The following SORL1 variants were observed in gnomAD, a reference collection of about 807,000 sequenced individuals.
The protein encoded by SORL1 is sortilin related receptor 1, also known as sortilin-related receptor.
In SORL1, 127 loss-of-function variants were observed where a neutral mutation model predicts 273.7. That is an observed-to-expected ratio of 0.46 (90% CI 0.40 to 0.54). The LOEUF is 0.54. Ranked by LOEUF, SORL1 falls within the 20% of genes least tolerant of loss-of-function variation. SORL1 has a pLI of 0.00. For missense variants in SORL1, 2,494 were observed against 2,846.1 expected (o/e 0.88, Z 2.81); for synonymous variants, 1,031 against 1,067.4 (o/e 0.97, Z 0.66).
chr11:121,499,739 T>A (rs1861685127), intron 6 of SORL1, among the ~76,000 whole-genome samples: 1 of 152,246 alleles, frequency 6.6e-6, no homozygotes, highest in African/African-American at 2.4e-5. Context: ...CAAGTGTAAC[T>A]TTTTATCTGG....
chr11:121,610,964 T>C (rs1266589035), intron 38 of SORL1, 112 bp from the exon 39 acceptor site: 1 of 727,700 alleles, frequency 1.4e-6, no homozygotes, highest in African/African-American at 1.7e-5. Flanking sequence ...AGAAATACCC[T>C]TTCTTCCCCG....
intron 11 of SORL1, among the ~76,000 whole-genome samples, chr11:121,524,904 G>A (rs693855): frequency 0.3 from 44,565 of 146,374 alleles, 8,244 homozygotes; most frequent in East Asian, 0.55. Context: ...TCAGAATTCC[G>A]TTTTTGTGCT....
chr11:121,575,131 C>T (rs951110111), intron 24 of SORL1, among the ~76,000 whole-genome samples: 2 of 152,170 alleles, frequency 1.3e-5, no homozygotes, highest in Non-Finnish European at 2.9e-5. Context: ...TTTCTACTTT[C>T]TAAAGTGACT....
intron 36 of SORL1, 55 bp from the exon 37 acceptor site, chr11:121,607,131 G>T: frequency 2.5e-6 from 3 of 1,188,702 alleles, no homozygotes; most frequent in Non-Finnish European, 3.8e-6. Flanking sequence ...CAAGATATTA[G>T]GATGCCCTGG....
At chr11:121,601,117 G>A (rs1369921146) in intron 32 of SORL1, among the ~76,000 whole-genome samples, 32 of 141,316 alleles carry the variant, frequency 2.3e-4, no homozygotes, top group African/African-American at 7.9e-4. Context: ...TCATTGTTCA[G>A]TTCCCACCTA....
At chr11:121,578,788 G>A (rs1268814780) in intron 25 of SORL1, among the ~76,000 whole-genome samples, 3 of 152,202 alleles carry the variant, frequency 2.0e-5, no homozygotes, top group Non-Finnish European at 4.4e-5. Context: ...CGCTTGTAAA[G>A]TCCACCCATG....
At chr11:121,611,038 C>A in intron 38 of SORL1, 38 bp from the exon 39 acceptor site, 1 of 1,425,684 alleles carries the variant, frequency 7.0e-7, no homozygotes, top group African/African-American at 1.4e-5. Flanking sequence ...CACTTTTCAT[C>A]ACGTGGCTTC....
intron 9 of SORL1, among the ~76,000 whole-genome samples, chr11:121,521,533 T>C (rs1396912047): frequency 6.6e-6 from 1 of 152,184 alleles, no homozygotes; most frequent in African/African-American, 2.4e-5. Context: ...GTTCATCAGC[T>C]TTAGGTATAG....
chr11:121,589,534 C>G lies in SORL1; in HGVS notation c.4078+144C>G, dbSNP rs1318297994. On this transcript the variant is annotated intron_variant, in intron 29 of 47. Coordinates refer to ENST00000260197, the MANE Select transcript of SORL1 (RefSeq NM_003105.6). ...CAGTTGCTGCCAGTTCCTGAATACTCATACGAGTTGAGTCTTGAAGGGGGC... is the reference window on the plus strand; with the variant it reads ...CAGTTGCTGCCAGTTCCTGAATACTGATACGAGTTGAGTCTTGAAGGGGGC... 7.8e-6 allele frequency: 8 copies of G among 1,027,554 alleles called. No homozygotes were observed. In the East Asian group the frequency reaches 1.5e-4, roughly 19 times the overall value. The allele number at this position is 1,027,554 out of a possible 1,614,324, so 63.7% of individuals were successfully genotyped here.
chr11:121,615,048 G>T lies in SORL1; in HGVS notation c.5597G>T (p.Arg1866Leu). ...TAVECTWTGP[R>L]NVVYGIFYAT... ...GTGGAATGTACCTGGACCGGCCCCC[G>T]GAATGTGGTGAGTCAGCCAGAATGA... The change falls in exon 41 of 48, where the codon CGG becomes CTG. Residue 1866 changes from arginine (R) to leucine (L), a missense_variant. By Grantham distance (102) the Arg-to-Leu change is moderately radical. Coordinates refer to ENST00000260197, the MANE Select transcript of SORL1 (RefSeq NM_003105.6). 1 of 1,595,464 alleles carries T rather than the reference G, an allele frequency of 6.3e-7. No homozygotes were observed. The highest frequency in any genetic ancestry group is 8.5e-7 in the Non-Finnish European group (1 of 1,171,204).
chr11:121,493,580 A>G (rs751224600), intron 5 of SORL1, among the ~76,000 whole-genome samples: 84 of 152,224 alleles, frequency 5.5e-4, no homozygotes, highest in African/African-American at 1.1e-3. Flanking sequence ...CTATTTGATT[A>G]TTAGTCTTTT....
chr11:121,553,714 C>G (rs1314237195), intron 16 of SORL1, among the ~76,000 whole-genome samples: 1 of 152,224 alleles, frequency 6.6e-6, no homozygotes, highest in African/African-American at 2.4e-5. Flanking sequence ...AAAACACTTG[C>G]AGATGAAGAA....
In SORL1 at chr11:121,614,929, G is replaced by T; in HGVS notation, c.5478G>T (p.Leu1826Phe). 1.2e-6 allele frequency: 2 copies of T among 1,613,270 alleles called. No homozygotes were observed. Among genetic ancestry groups the T allele is most frequent in the South Asian group, 2.2e-5 (2 of 90,866 alleles). Reference sequence around the variant, plus strand: ...TTTCTGCCTGGGCCAAGACTGACTTGGGGGATAGCCCTCTGGCATTTGAGC... The same window carrying T: ...TTTCTGCCTGGGCCAAGACTGACTTTGGGGATAGCCCTCTGGCATTTGAGC... ...YEISAWAKTD[L>F]GDSPLAFEHV... The change falls in exon 41 of 48, where the codon TTG becomes TTT. Residue 1826 changes from leucine to phenylalanine, a missense_variant. By Grantham distance (22) the Leu-to-Phe change is conservative (BLOSUM62 0). Around this residue, in one of 3 missense-constraint regions of SORL1, gnomAD observed 1,609 missense variants for 1,816.4 expected, o/e 0.89. Transcript: ENST00000260197.
At chr11:121,496,763 C>T in intron 5 of SORL1, 106 bp from the exon 6 acceptor site, 1 of 872,544 alleles carries the variant, frequency 1.1e-6, no homozygotes, top group Non-Finnish European at 1.7e-6. Flanking sequence ...CTGTGGGTCA[C>T]ACCATGGTAG....
chr11:121,604,269 G>A lies in SORL1; in HGVS notation c.4596G>A (p.Glu1532=), dbSNP rs769949043. 6.2e-7 allele frequency: 1 copy of A among 1,614,130 alleles called. No individual in the cohort carries two copies. Among genetic ancestry groups the A allele is most frequent in the South Asian group, 1.1e-5 (1 of 91,084 alleles). The change falls in exon 33 of 48, where the codon GAG becomes GAA. Residue 1532 remains glutamate, a synonymous_variant. Coordinates refer to ENST00000260197, the MANE Select transcript of SORL1 (RefSeq NM_003105.6). ...GGGAGGCCTGCATTGTGCTCTCGGA[G>A]CGCTGCGACGGCTTCCTGGACTGCT... ...EDGEACIVLS[E]RCDGFLDCSD... is the part of the protein sequence containing the mutation.
chr11:121,578,552 G>A (rs1862970123), intron 25 of SORL1, among the ~76,000 whole-genome samples: 1 of 152,192 alleles, frequency 6.6e-6, no homozygotes, highest in African/African-American at 2.4e-5. Flanking sequence ...CTTCCCCACG[G>A]AGAGAGATGA....
At chr11:121,545,909 G>C (rs1370520059) in intron 14 of SORL1, among the ~76,000 whole-genome samples, 1 of 152,216 alleles carries the variant, frequency 6.6e-6, no homozygotes, top group Non-Finnish European at 1.5e-5. Flanking sequence ...AGTGATTTGT[G>C]CATGGCTAAT....
At chr11:121,545,188 G>A in intron 13 of SORL1, 55 bp from the exon 14 acceptor site, 1 of 1,572,074 alleles carries the variant, frequency 6.4e-7, no homozygotes, top group South Asian at 1.1e-5. Context: ...GGCATAGCAG[G>A]AAACCCTACA....
At chr11:121,564,265 T>G (rs1458273080) in intron 21 of SORL1, among the ~76,000 whole-genome samples, 1 of 152,208 alleles carries the variant, frequency 6.6e-6, no homozygotes, top group African/African-American at 2.4e-5. Context: ...TCTCCCATTT[T>G]CCATTCTCTG....
Sources: gnomAD v4.1 joint callset for allele counts (sites outside exome capture counted in the v4.1 genomes callset) on GRCh38, gnomAD v4.1.1 for gene constraint, gnomAD v4.1.1 regional missense constraint, MANE v1.5 for transcripts, NCBI Gene and HGNC (gene_info 2026-07-23, HGNC 2026-07-21) for gene names.